COL18A1: variants seen among roughly 807,000 people sequenced by gnomAD.
COL18A1 encodes the protein collagen type XVIII alpha 1 chain.
A neutral mutation model predicts 168.0 loss-of-function variants in COL18A1; 133 were observed. The ratio of observed to expected loss-of-function variants is 0.79; its 90% CI spans 0.69 to 0.91. COL18A1 has a LOEUF of 0.91. COL18A1 is among the 40% of genes least tolerant of loss of function. The probability of loss-of-function intolerance (pLI) is 0.00; values close to 1 mark genes in which losing one functional copy is unlikely to be tolerated. For synonymous variants in COL18A1, 949 were observed against 809.0 expected, an observed-to-expected ratio of 1.17 and a Z score of -2.94; for missense variants, 2,126 against 1,925.4, an observed-to-expected ratio of 1.10 and a Z score of -1.95.
rs529112671 is a variant in COL18A1 at position 45,504,316 on chromosome 21, G to A, written c.2728-100G>A. On this transcript the variant is annotated intron_variant, in intron 33 of 41. Coordinates refer to ENST00000651438, the MANE Select transcript of COL18A1 (RefSeq NM_001379500.1). ...CCAGCAGCTCCCAGGCCTGGGCTCC[G>A]GAAGCTTCTGACTGCCCAGCCCTGG... 2,358 of 1,263,486 alleles carry A rather than the reference G, an allele frequency of 1.9e-3. 7 individuals carry two copies. Among genetic ancestry groups the A allele is most frequent in the Non-Finnish European group, 2.3e-3 (2,090 of 903,180 alleles). The allele number at this position is 1,263,486 out of a possible 1,614,324, so 78.3% of individuals were successfully genotyped here.
chr21:45,455,403 G>T, intron 2 of COL18A1: 2 of 1,323,482 alleles, frequency 1.5e-6, no homozygotes. Context: ...AAGAGTGGGG[G>T]GTGGAAGACA....
intron 3 of COL18A1, among the ~76,000 whole-genome samples, chr21:45,472,858 T>C (rs1215793530): frequency 6.8e-6 from 1 of 146,016 alleles, no homozygotes; most frequent in African/African-American, 2.8e-5. Context: ...TTTGCACACA[T>C]GTGTCCATGC....
In COL18A1 at chr21:45,486,073, G is replaced by A. The variant is rs59103516; in HGVS notation, c.1702-788G>A. Among the ~76,000 whole-genome samples, 902 of 152,280 alleles carry A rather than the reference G, an allele frequency of 5.9e-3. 4 individuals carry two copies. Among genetic ancestry groups the A allele is most frequent in the African/African-American group, 0.021 (861 of 41,574 alleles). ...CTCCCTCCCTCACGCCCCCCACACC[G>A]GGCTCTCACCTCACACTCCAGGTGG... On this transcript the variant is annotated intron_variant, in intron 15 of 41. Coordinates refer to ENST00000651438, the MANE Select transcript of COL18A1 (RefSeq NM_001379500.1).
In COL18A1 at chr21:45,456,034, C is replaced by T. The variant is rs1228785355; in HGVS notation, c.107-12208C>T. The T allele has an allele frequency of 3.1e-6, 5 of 1,609,356 alleles. No individual in the cohort carries two copies. The highest frequency in any genetic ancestry group is 1.7e-5 in the Admixed American group (1 of 59,916). ...CCCCCCAGGAGAATGGGACCACTCT[C>T]TGGCCCAGCCGTGGCATTCCTAGCT... On this transcript the variant is annotated intron_variant, in intron 2 of 41. Transcript: ENST00000651438.
intron 6 of COL18A1, among the ~76,000 whole-genome samples, chr21:45,477,019 C>G (rs2035699593): frequency 6.6e-6 from 1 of 151,824 alleles, no homozygotes; most frequent in African/African-American, 2.4e-5. Context: ...CACTGTGCTT[C>G]TCTTGCAGGA....
At chr21:45,495,121 G>A (rs77285005) in intron 28 of COL18A1, 6,698 of 645,976 alleles carry the variant, frequency 0.01, 49 homozygotes, top group Non-Finnish European at 0.015. Context: ...CCAGGAGGAA[G>A]CCCTGGAGGC....
chr21:45,474,941 C>T (rs1238685535), intron 4 of COL18A1, among the ~76,000 whole-genome samples: 1 of 152,226 alleles, frequency 6.6e-6, no homozygotes, highest in Non-Finnish European at 1.5e-5. Flanking sequence ...CAAGGCTGCG[C>T]CCTGGGACAG....
At chr21:45,415,170 A>C (rs1343719256) in intron 2 of COL18A1, among the ~76,000 whole-genome samples, 3 of 152,090 alleles carry the variant, frequency 2.0e-5, no homozygotes, top group Non-Finnish European at 4.4e-5. Context: ...GGCATTAGTG[A>C]CCATGGGAAT....
intron 9 of COL18A1, among the ~76,000 whole-genome samples, chr21:45,479,456 A>G (rs1037357975): frequency 1.3e-5 from 2 of 152,010 alleles, no homozygotes; most frequent in African/African-American, 4.8e-5. Flanking sequence ...CATTACACAT[A>G]CCACACGTGG....
Position 45,509,571 on chromosome 21 carries a change from C to G in COL18A1, c.3465C>G (p.Pro1155=), listed in dbSNP as rs766174875. 17 of 1,528,854 alleles carry G rather than the reference C, an allele frequency of 1.1e-5. No individual in the cohort carries two copies. The highest frequency in any genetic ancestry group is 1.9e-5 in the Admixed American group (1 of 51,556). 94.7% of individuals were successfully genotyped at this position (1,528,854 alleles called of 1,614,324 possible). Residue 1155 remains proline, a synonymous_variant, in exon 39 of 42, where the codon CCC becomes CCG. Transcript: ENST00000651438. ...GGCCGGCGCGACCCACAAGCCCACC[C>G]GCCCACAGCCACCGCGACTTCCAGC... ...HLRPARPTSP[P]AHSHRDFQPV...
At chr21:45,492,503 T>C in intron 22 of COL18A1, 32 bp from the exon 23 acceptor site, 1 of 1,613,506 alleles carries the variant, frequency 6.2e-7, no homozygotes, top group Non-Finnish European at 8.5e-7. Flanking sequence ...CGCGGCTCTT[T>C]GTTTCCGATT....
rs568261010 is a variant in COL18A1, at chr21:45,457,666, T to G, written c.107-10576T>G. Among the ~76,000 whole-genome samples the G allele has an allele frequency of 5.9e-4, 90 of 152,294 alleles. No homozygotes were observed. The highest frequency in any genetic ancestry group is 2.1e-3 in the African/African-American group (88 of 41,556). Reference sequence around the variant, plus strand: ...GGGAGTAGACGGGGCCCCTGAGCTGTGCCTGCCCCATTCAGATTCTGCTTG... The same window carrying G: ...GGGAGTAGACGGGGCCCCTGAGCTGGGCCTGCCCCATTCAGATTCTGCTTG... On this transcript the variant is annotated intron_variant, in intron 2 of 41. Transcript: ENST00000651438. The surrounding 1 kb of genome is among the most constrained non-coding windows in gnomAD (Gnocchi z 4.6).
chr21:45,486,960 G>A lies in COL18A1; in HGVS notation c.1801G>A (p.Gly601Arg). 1 of 1,506,654 alleles carries A rather than the reference G, an allele frequency of 6.6e-7. No individual in the cohort carries two copies. The highest frequency in any genetic ancestry group is 1.3e-5 in the South Asian group (1 of 77,610). 93.3% of individuals were successfully genotyped at this position (1,506,654 alleles called of 1,614,324 possible). Reference sequence around the variant, plus strand: ...ACCACCAGGCCCCCCTGGGCCCCCTGGGCCCCCAGGACCAGGACTCCCCGC... The same window carrying A: ...ACCACCAGGCCCCCCTGGGCCCCCTAGGCCCCCAGGACCAGGACTCCCCGC... ...AGPPGPPGPP[G>R]PPGPGLPAGF... The change falls in exon 16 of 42, where the codon GGG becomes AGG. Residue 601 changes from glycine (G) to arginine (R), a missense_variant. Transcript: ENST00000651438.
intron 4 of COL18A1, among the ~76,000 whole-genome samples, chr21:45,474,699 C>G (rs894480646): frequency 1.3e-5 from 2 of 152,248 alleles, no homozygotes; most frequent in Admixed American, 1.3e-4. Flanking sequence ...ACATGCCCCA[C>G]GTGAACATGG....
At chr21:45,458,508 T>C (rs2034925658) in intron 2 of COL18A1, among the ~76,000 whole-genome samples, 1 of 151,966 alleles carries the variant, frequency 6.6e-6, no homozygotes, top group Non-Finnish European at 1.5e-5. Flanking sequence ...GTCCCACTCA[T>C]CCTCCGTCCC....
intron 37 of COL18A1, chr21:45,506,323 C>T: frequency 2.7e-6 from 1 of 365,076 alleles, no homozygotes; most frequent in Non-Finnish European, 5.3e-6. Context: ...CCTCCAGGGC[C>T]ACGTGACGTC....
At position 45,507,558 on chromosome 21, in the gene COL18A1, C is replaced by T. The variant is rs1039409823; in HGVS notation, c.3217-3C>T. 3.1e-6 allele frequency: 5 copies of T among 1,612,146 alleles called. No individual in the cohort carries two copies. Among genetic ancestry groups the T allele is most frequent in the East Asian group, 2.2e-5 (1 of 44,836 alleles). ...CCTGGGTGACCCTGCTGCTTTCTTC[C>T]AGCTGGAGGCCCGGACACCACTCCC... On this transcript the variant is annotated splice_polypyrimidine_tract_variant and splice_region_variant and intron_variant, in intron 37 of 41. Transcript: ENST00000651438.
At chr21:45,453,346 T>A (rs142347766) in intron 2 of COL18A1, among the ~76,000 whole-genome samples, 1 of 152,352 alleles carries the variant, frequency 6.6e-6, no homozygotes, top group Non-Finnish European at 1.5e-5. Context: ...TAAGCATGCA[T>A]GTGCATGTGT....
chr21:45,418,565 C>CA (rs2033516119), intron 2 of COL18A1, among the ~76,000 whole-genome samples: 1 of 152,198 alleles, frequency 6.6e-6, no homozygotes, highest in African/African-American at 2.4e-5. Context: ...TGCTGAGCCT[C>CA]GGGGTGCTCA....
Sources: gnomAD v4.1 joint callset for allele counts (sites outside exome capture counted in the v4.1 genomes callset) on GRCh38, gnomAD v4.1.1 for gene constraint, Gnocchi (gnomAD v3.1) non-coding constraint, MANE v1.5 for transcripts, NCBI Gene and HGNC (gene_info 2026-07-23, HGNC 2026-07-21) for gene names.